The following PXDNL variants were observed in gnomAD, a reference collection of about 807,000 sequenced individuals.
PXDNL encodes the protein probable oxidoreductase PXDNL.
A neutral mutation model predicts 150.8 loss-of-function variants in PXDNL; 145 were observed. The observed-to-expected ratio is 0.96, with a 90% CI of 0.84 to 1.10. The LOEUF is 1.10. Ranked by LOEUF, PXDNL falls within the 50% of genes least tolerant of loss-of-function variation. The probability of loss-of-function intolerance (pLI) is 0.00; values close to 1 mark genes in which losing one functional copy is unlikely to be tolerated. For synonymous variants in PXDNL, 757 were observed against 725.7 expected, an observed-to-expected ratio of 1.04 and a Z score of -0.69; for missense variants, 2,087 against 1,873.9, an observed-to-expected ratio of 1.11 and a Z score of -2.10.
intron 1 of PXDNL, among the ~76,000 whole-genome samples, chr8:51,762,154 A>T (rs1275396044): frequency 6.6e-6 from 1 of 152,184 alleles, no homozygotes; most frequent in Non-Finnish European, 1.5e-5. Context: ...TTCTTATCTA[A>T]GGGGCCTGGG....
chr8:51,638,914 C>T (rs1442371129), intron 2 of PXDNL, among the ~76,000 whole-genome samples: 2 of 152,196 alleles, frequency 1.3e-5, no homozygotes, highest in Non-Finnish European at 2.9e-5. Flanking sequence ...GTCAGCACCA[C>T]ATCACAATTA....
chr8:51,645,852 GA>G (rs529167123), intron 2 of PXDNL, among the ~76,000 whole-genome samples: 148 of 152,262 alleles, frequency 9.7e-4, no homozygotes, highest in African/African-American at 3.4e-3. Flanking sequence ...AAGTCATAGT[GA>G]AAACATAAAT....
intron 4 of PXDNL, among the ~76,000 whole-genome samples, chr8:51,552,030 A>G (rs1812499223): frequency 6.6e-6 from 1 of 152,164 alleles, no homozygotes; most frequent in Non-Finnish European, 1.5e-5. Flanking sequence ...TGAATAGACA[A>G]TGCTGAAAAG....
At chr8:51,404,910 C>G (rs1808392535) in intron 17 of PXDNL, among the ~76,000 whole-genome samples, 1 of 152,148 alleles carries the variant, frequency 6.6e-6, no homozygotes, top group African/African-American at 2.4e-5. Context: ...TGCACAGGAG[C>G]CCACGGCAAG....
At chr8:51,451,173 A>T (rs1425402811) in intron 10 of PXDNL, among the ~76,000 whole-genome samples, 1 of 151,548 alleles carries the variant, frequency 6.6e-6, no homozygotes, top group Non-Finnish European at 1.5e-5. Context: ...TAATAACTTT[A>T]ATAATAATTA....
At chr8:51,550,193 T>C (rs1812450229) in intron 4 of PXDNL, among the ~76,000 whole-genome samples, 1 of 151,674 alleles carries the variant, frequency 6.6e-6, no homozygotes, top group African/African-American at 2.4e-5. Flanking sequence ...GTAATAAAAA[T>C]TGCCAACAAC....
chr8:51,461,288 G>T (rs1810076393), intron 8 of PXDNL, among the ~76,000 whole-genome samples: 1 of 152,222 alleles, frequency 6.6e-6, no homozygotes, highest in Non-Finnish European at 1.5e-5. Context: ...CACAGGAGCT[G>T]GGTGTGCTTC....
intron 17 of PXDNL, among the ~76,000 whole-genome samples, chr8:51,407,657 G>A (rs914730908): frequency 4.6e-5 from 7 of 152,234 alleles, no homozygotes; most frequent in Admixed American, 2.6e-4. Flanking sequence ...AAAATAATTT[G>A]TTTTTATTAT....
intron 5 of PXDNL, among the ~76,000 whole-genome samples, chr8:51,487,270 G>C (rs1810787735): frequency 6.6e-6 from 1 of 152,050 alleles, no homozygotes; most frequent in African/African-American, 2.4e-5. Context: ...TCATGAATGA[G>C]CATTTTCCTC....
At chr8:51,416,464 C>T (rs1323121253) in intron 14 of PXDNL, among the ~76,000 whole-genome samples, 6 of 152,200 alleles carry the variant, frequency 3.9e-5, no homozygotes, top group Non-Finnish European at 8.8e-5. Flanking sequence ...CAGCACTTGT[C>T]TTCATCTGTT....
chr8:51,699,408 A>G (rs1206623120), intron 1 of PXDNL, among the ~76,000 whole-genome samples: 1 of 152,164 alleles, frequency 6.6e-6, no homozygotes, highest in East Asian at 1.9e-4. Context: ...GCCTTCATAG[A>G]ATTGAAGAGA....
chr8:51,326,768 G>C (rs1805507391), intron 21 of PXDNL, among the ~76,000 whole-genome samples: 1 of 152,060 alleles, frequency 6.6e-6, no homozygotes, highest in Non-Finnish European at 1.5e-5. Flanking sequence ...ATCCTTATCT[G>C]CATGGTTCCT....
chr8:51,613,089 G>A (rs534290053), intron 2 of PXDNL, among the ~76,000 whole-genome samples: 3 of 152,208 alleles, frequency 2.0e-5, no homozygotes, highest in South Asian at 2.1e-4. Flanking sequence ...AGAAGGATTC[G>A]ATGGAAAATT....
rs185933443 is a variant in PXDNL at position 51,742,701 on chromosome 8, C to A, written c.164+66480G>T. ...ATATAAATGTATATATATCAGAGAACAAGATGGCAGAAGTGAAGCCAGACA... is the reference window on the plus strand; with the variant it reads ...ATATAAATGTATATATATCAGAGAAAAAGATGGCAGAAGTGAAGCCAGACA... On this transcript the variant is annotated intron_variant, in intron 1 of 22. Coordinates refer to ENST00000356297, the MANE Select transcript of PXDNL (RefSeq NM_144651.5). Among the ~76,000 whole-genome samples the A allele has an allele frequency of 1.6e-3, 240 of 151,522 alleles. 1 individual carries two copies. Among genetic ancestry groups the A allele is most frequent in the African/African-American group, 5.5e-3 (229 of 41,350 alleles).
At chr8:51,478,376 T>C (rs1488992679) in intron 6 of PXDNL, among the ~76,000 whole-genome samples, 1 of 152,234 alleles carries the variant, frequency 6.6e-6, no homozygotes, top group Non-Finnish European at 1.5e-5. Flanking sequence ...TTGGAATATA[T>C]TCTCTGCTCA....
chr8:51,474,291 T>C (rs6987426), intron 7 of PXDNL, among the ~76,000 whole-genome samples: 24,253 of 152,042 alleles, frequency 0.16, 2,146 homozygotes, highest in Middle Eastern at 0.24. Flanking sequence ...AACCGAAATA[T>C]AGGAATAGAG....
rs2130827977 is a variant in PXDNL at position 51,387,600 on chromosome 8, T to C, written c.3558-12869A>G. On this transcript the variant is annotated intron_variant, in intron 17 of 22. Coordinates refer to ENST00000356297, the MANE Select transcript of PXDNL (RefSeq NM_144651.5). ...CTTCATCATTCACTACAGTATCAGTTGCATACCTTTTATTAAGGAAATAGG... is the reference window on the plus strand; with the variant it reads ...CTTCATCATTCACTACAGTATCAGTCGCATACCTTTTATTAAGGAAATAGG... Among the ~76,000 whole-genome samples, 2 of 152,336 alleles carry C rather than the reference T, an allele frequency of 1.3e-5. 1 individual carries two copies. The highest frequency in any genetic ancestry group is 4.1e-4 in the South Asian group (2 of 4,826).
intron 1 of PXDNL, among the ~76,000 whole-genome samples, chr8:51,716,870 G>T (rs1259338266): frequency 1.3e-5 from 2 of 152,120 alleles, no homozygotes; most frequent in Non-Finnish European, 2.9e-5. Context: ...TTTTCAAAAG[G>T]CAAGATTCTA....
rs761328809 is a variant in PXDNL at position 51,320,002 on chromosome 8, C to A, written c.4281G>T (p.Val1427=). ...AGGGAGCCGGGGGACAAATCTCCACCACACAGGTGACCTGGCCACTCTGAA... is the reference window on the plus strand; with the variant it reads ...AGGGAGCCGGGGGACAAATCTCCACAACACAGGTGACCTGGCCACTCTGAA... The part of the protein sequence containing the change: ...CICESGQVTC[V]VEICPPAPCP... Residue 1427 remains valine (V), a synonymous_variant, in exon 23 of 23, where the codon GTG becomes GTT. Transcript: ENST00000356297. 1.3e-6 allele frequency: 2 copies of A among 1,553,622 alleles called. No individual in the cohort carries two copies. The highest frequency in any genetic ancestry group is 2.0e-5 in the Admixed American group (1 of 50,626).
Sources: allele counts gnomAD v4.1 joint callset (sites outside exome capture counted in the v4.1 genomes callset), GRCh38; gene constraint gnomAD v4.1.1; transcripts MANE v1.5; gene names NCBI Gene and HGNC (gene_info 2026-07-23, HGNC 2026-07-21).